The following LRRC1 variants were observed in gnomAD, a reference collection of about 807,000 sequenced individuals.
LRRC1 encodes leucine-rich repeat-containing protein 1.
A neutral mutation model predicts 69.9 loss-of-function variants in LRRC1; 28 were observed. That is an observed-to-expected ratio of 0.40 (90% CI 0.30 to 0.55). The LOEUF is 0.55. LRRC1 is among the 20% of genes least tolerant of loss of function. The pLI is 0.47. For synonymous variants in LRRC1, 236 were observed against 240.2 expected (o/e 0.98, Z 0.16); for missense variants, 498 against 609.0 (o/e 0.82, Z 1.92).
chr6:53,894,514 G>T (rs1443214117), intron 4 of LRRC1, among the ~76,000 whole-genome samples: 1 of 152,074 alleles, frequency 6.6e-6, no homozygotes, highest in African/African-American at 2.4e-5. Context: ...TTCATTAGTG[G>T]GTGTCCTTGG....
rs936206474 is a variant in LRRC1 at position 53,922,795 on chromosome 6, G to A, written c.*2G>A. On this transcript the variant is annotated 3_prime_UTR_variant, in exon 14 of 14. Transcript: ENST00000370888. ...GACCGAGTGACCACTTCTGTGTAGA[G>A]TTTCACCTCCAAGTTTTACCTCCTG... 5 of 1,611,442 alleles carry A rather than the reference G, an allele frequency of 3.1e-6. No homozygotes were observed. In the African/African-American group the frequency reaches 6.7e-5, roughly 22 times the overall value.
chr6:53,900,018 CTGTTT>C, intron 8 of LRRC1, 127 bp downstream of exon 8: 6 of 283,924 alleles, frequency 2.1e-5, no homozygotes, highest in South Asian at 6.4e-5. Flanking sequence ...AGTCTCCTTA[CTGTTT>C]TTTTTTTTTT....
At chr6:53,814,348 C>CTG (rs1195512000) in intron 1 of LRRC1, among the ~76,000 whole-genome samples, 3 of 152,234 alleles carry the variant, frequency 2.0e-5, no homozygotes, top group African/African-American at 7.2e-5. Context: ...ATTAATCACT[C>CTG]TGTGGGTTTT....
chr6:53,805,055 T>C (rs531381769), intron 1 of LRRC1, among the ~76,000 whole-genome samples: 3 of 152,264 alleles, frequency 2.0e-5, no homozygotes, highest in Admixed American at 2.0e-4. Flanking sequence ...TCTGTGCCCA[T>C]TATTCTTGAG....
chr6:53,922,939 A>G lies in LRRC1; in HGVS notation c.*146A>G. ...GAGTGTGGGGAAGCTGCTGTCTCCC[A>G]GGAAGTGCCTTACTCATCCCGCAAC... On this transcript the variant is annotated 3_prime_UTR_variant, in exon 14 of 14. Transcript: ENST00000370888. The G allele has an allele frequency of 2.9e-6, 2 of 701,086 alleles. No homozygotes were observed. The highest frequency in any genetic ancestry group is 4.7e-6 in the Non-Finnish European group (2 of 422,442). 43.4% of individuals were successfully genotyped at this position (701,086 alleles called of 1,614,324 possible).
chr6:53,831,344 T>G (rs1476315206), intron 1 of LRRC1, among the ~76,000 whole-genome samples: 1 of 152,162 alleles, frequency 6.6e-6, no homozygotes, highest in Admixed American at 6.5e-5. Flanking sequence ...TATGTATGCA[T>G]CTGATATTTG....
chr6:53,900,036 T>G lies in LRRC1; in HGVS notation c.787+145T>G, dbSNP rs796471150. 9.9e-4 allele frequency: 645 copies of G among 654,168 alleles called. 4 individuals carry two copies. Among genetic ancestry groups the G allele is most frequent in the East Asian group, 8.8e-3 (254 of 28,868 alleles). 40.5% of individuals were successfully genotyped at this position (654,168 alleles called of 1,614,324 possible). ...CTCCTTACTGTTTTTTTTTTTTTTT[T>G]TTTTTTTTTTTTTTTTTCTGAGATG... On this transcript the variant is annotated intron_variant, in intron 8 of 13. Coordinates refer to ENST00000370888, the MANE Select transcript of LRRC1 (RefSeq NM_018214.5).
In LRRC1 at chr6:53,879,087, A is replaced by G. The variant is rs754190741; in HGVS notation, c.356+16A>G. 2 of 1,589,182 alleles carry G rather than the reference A, an allele frequency of 1.3e-6. No homozygotes were observed. Among genetic ancestry groups the G allele is most frequent in the East Asian group, 2.2e-5 (1 of 44,692 alleles). Reference sequence around the variant, plus strand: ...CACTGACTAGGTAAGCTTTCTGCTTACTTTTCTGTCTATACTAGTAAGAGT... The same window carrying G: ...CACTGACTAGGTAAGCTTTCTGCTTGCTTTTCTGTCTATACTAGTAAGAGT... On this transcript the variant is annotated intron_variant, in intron 3 of 13. Coordinates refer to ENST00000370888, the MANE Select transcript of LRRC1 (RefSeq NM_018214.5).
At chr6:53,896,672 C>A in intron 5 of LRRC1, 118 bp downstream of exon 5, 1 of 1,064,946 alleles carries the variant, frequency 9.4e-7, no homozygotes, top group Non-Finnish European at 1.4e-6. Flanking sequence ...TTGGGGGATG[C>A]CAGCCGGCCT....
At chr6:53,881,402 T>C (rs1212257787) in intron 3 of LRRC1, among the ~76,000 whole-genome samples, 1 of 152,232 alleles carries the variant, frequency 6.6e-6, no homozygotes. Context: ...ATCAAAACTA[T>C]ATTTTTCTTA....
intron 4 of LRRC1, among the ~76,000 whole-genome samples, chr6:53,888,820 C>T (rs1767579143): frequency 6.6e-6 from 1 of 152,152 alleles, no homozygotes; most frequent in South Asian, 2.1e-4. Context: ...CTAGCTATGA[C>T]ACCAAAGTCT....
At chr6:53,853,099 A>G (rs1303447994) in intron 2 of LRRC1, among the ~76,000 whole-genome samples, 1 of 152,022 alleles carries the variant, frequency 6.6e-6, no homozygotes, top group Admixed American at 6.5e-5. Context: ...TTATTGTTCC[A>G]TCTTCCTCTA....
At chr6:53,799,256 C>T (rs555849256) in intron 1 of LRRC1, among the ~76,000 whole-genome samples, 101 of 152,276 alleles carry the variant, frequency 6.6e-4, no homozygotes, top group African/African-American at 2.3e-3. Context: ...TTTTCCTGTC[C>T]TTTAGAGCAT....
At chr6:53,903,245 G>A (rs1291236649) in intron 9 of LRRC1, among the ~76,000 whole-genome samples, 2 of 152,104 alleles carry the variant, frequency 1.3e-5, no homozygotes, top group Admixed American at 1.3e-4. Context: ...ATGGGCTCTG[G>A]TTAAGGCTGC....
intron 2 of LRRC1, among the ~76,000 whole-genome samples, chr6:53,869,762 T>A (rs1044248066): frequency 6.6e-6 from 1 of 151,624 alleles, no homozygotes; most frequent in East Asian, 1.9e-4. Context: ...TAATTAAAAC[T>A]GTAACAGATC....
intron 1 of LRRC1, among the ~76,000 whole-genome samples, chr6:53,831,521 A>G (rs907727882): frequency 6.6e-6 from 1 of 152,170 alleles, no homozygotes; most frequent in Non-Finnish European, 1.5e-5. Flanking sequence ...TTGTTAAGAG[A>G]TGAATTCTTG....
intron 1 of LRRC1, among the ~76,000 whole-genome samples, chr6:53,796,726 A>G (rs1343008548): frequency 6.6e-6 from 1 of 152,150 alleles, no homozygotes; most frequent in Non-Finnish European, 1.5e-5. Flanking sequence ...TATCCTCACT[A>G]GGACCTTTGC....
At chr6:53,817,667 C>T (rs1037895492) in intron 1 of LRRC1, among the ~76,000 whole-genome samples, 3 of 152,190 alleles carry the variant, frequency 2.0e-5, no homozygotes, top group Non-Finnish European at 2.9e-5. Flanking sequence ...CACCATTTTA[C>T]CCTCTGCTTC....
intron 10 of LRRC1, among the ~76,000 whole-genome samples, chr6:53,910,067 C>T (rs1191083309): frequency 6.6e-6 from 1 of 152,034 alleles, no homozygotes; most frequent in Non-Finnish European, 1.5e-5. Context: ...GAGGTTTGCT[C>T]AATAATCTGC....
Sources: allele counts gnomAD v4.1 joint callset (sites outside exome capture counted in the v4.1 genomes callset), GRCh38; gene constraint gnomAD v4.1.1; transcripts MANE v1.5; gene names NCBI Gene and HGNC (gene_info 2026-07-23, HGNC 2026-07-21).